HMCN2: variants seen among roughly 807,000 people sequenced by gnomAD.
HMCN2 encodes the protein hemicentin-2.
A neutral mutation model predicts 377.5 loss-of-function variants in HMCN2; 325 were observed. That is an observed-to-expected ratio of 0.86 (90% confidence interval 0.79 to 0.94). The LOEUF (loss-of-function observed/expected upper bound fraction) is 0.94, where lower values mean the gene tolerates loss of function less well. HMCN2 is among the 40% of genes least tolerant of loss of function. HMCN2 has a pLI of 0.00. For missense variants in HMCN2, 4,543 were observed against 4,725.3 expected (o/e 0.96, Z 1.13); for synonymous variants, 2,007 against 2,046.8 (o/e 0.98, Z 0.53).
intron 22 of HMCN2, among the ~76,000 whole-genome samples, chr9:130,332,839 G>A (rs1357282705): frequency 6.6e-6 from 1 of 152,208 alleles, no homozygotes; most frequent in East Asian, 1.9e-4. Flanking sequence ...TTGCCTGACT[G>A]TGCGCTCTGT....
chr9:130,268,076 C>T (rs532075265), intron 1 of HMCN2, among the ~76,000 whole-genome samples: 60 of 152,348 alleles, frequency 3.9e-4, no homozygotes, highest in African/African-American at 1.4e-3. Flanking sequence ...AATCATAACC[C>T]ACATTTGTCT....
At position 130,369,798 on chromosome 9, in the gene HMCN2, T is replaced by C; in HGVS notation, c.7016T>C (p.Val2339Ala). ...QAAHTGRYSC[V>A]AENLAGRAER... ...GCCCACACTGGACGCTACAGCTGTG[T>C]GGCCGAGAACCTGGCTGGGAGGGCA... Residue 2339 changes from valine to alanine, a missense_variant, in exon 45 of 98, where the codon GTG (valine) becomes GCG (alanine). Transcript: ENST00000683500. This position sits in a 1 kb window ranked among gnomAD's most constrained non-coding sequence, Gnocchi z 4.5. The C allele has an allele frequency of 1.0e-6, 1 of 986,070 alleles. No homozygotes were observed. Among genetic ancestry groups the C allele is most frequent in the Non-Finnish European group, 1.2e-6 (1 of 830,166 alleles). The allele number at this position is 986,070 out of a possible 1,614,324, so 61.1% of individuals were successfully genotyped here.
At chr9:130,409,248 T>C (rs1280938548) in intron 84 of HMCN2, among the ~76,000 whole-genome samples, 4 of 152,242 alleles carry the variant, frequency 2.6e-5, no homozygotes, top group African/African-American at 9.6e-5. Flanking sequence ...AAAATGTTGT[T>C]ATTAACAACC....
At chr9:130,410,715 T>G in intron 85 of HMCN2, 63 bp downstream of exon 85, 2 of 1,431,060 alleles carry the variant, frequency 1.4e-6, no homozygotes, top group African/African-American at 1.4e-5. Context: ...CGGTGGCGTG[T>G]GCAGCCTAGA....
At chr9:130,392,575 A>G (rs1315174304) in intron 66 of HMCN2, among the ~76,000 whole-genome samples, 1 of 152,168 alleles carries the variant, frequency 6.6e-6, no homozygotes. Context: ...CAAGCTGTCC[A>G]TATGGGACGT....
At chr9:130,429,747 G>C (rs1844625468) in intron 94 of HMCN2, 62 bp downstream of exon 94, 1 of 1,300,736 alleles carries the variant, frequency 7.7e-7, no homozygotes, top group South Asian at 1.6e-5. Flanking sequence ...ACCGGATGCA[G>C]GGCCCCAGCC....
intron 22 of HMCN2, among the ~76,000 whole-genome samples, 180 bp from the exon 23 acceptor site, chr9:130,337,714 G>A (rs1838827097): frequency 6.6e-6 from 1 of 150,908 alleles, no homozygotes; most frequent in African/African-American, 2.4e-5. Flanking sequence ...CAGTAGGCGT[G>A]AGAACTGGCC....
chr9:130,404,998 C>G lies in HMCN2; in HGVS notation c.12278C>G (p.Ser4093Trp), dbSNP rs1321022299. The G allele has an allele frequency of 6.2e-6, 8 of 1,289,624 alleles. No homozygotes were observed. The Admixed American group carries it at 6.9e-5, about 11-fold the overall frequency. The allele number at this position is 1,289,624 out of a possible 1,614,324, so 79.9% of individuals were successfully genotyped here. Residue 4093 changes from serine (S) to tryptophan (W), a missense_variant, in exon 81 of 98, where the codon TCG (serine) becomes TGG (tryptophan). Physicochemically the swap from Ser to Trp is radical, Grantham distance 177. Transcript: ENST00000683500. ...TGGGACAAAGATGGCCAGCCTGTGT[C>G]GGGCGCCGAGGGGAAGTTCACCATC... ...ITWDKDGQPV[S>W]GAEGKFTIQP...
chr9:130,430,891 C>T, intron 95 of HMCN2: 1 of 483,636 alleles, frequency 2.1e-6, no homozygotes, highest in Non-Finnish European at 3.7e-6. Context: ...CCTGGGAACC[C>T]CCTTTGAGAA....
rs1385201468 is a variant in HMCN2, at chr9:130,270,536, C to A, written c.259+4399C>A. The stretch of plus-strand genomic sequence containing the variant: ...GAGCTATGATTGTGCCACTGCCCTC[C>A]AGCCTGGGCGACAGAGCAAGACCCT... On this transcript the variant is annotated intron_variant, in intron 1 of 97. Coordinates refer to ENST00000683500, the MANE Select transcript of HMCN2 (RefSeq NM_001291815.2). Among the ~76,000 whole-genome samples the A allele has an allele frequency of 8.1e-5, 12 of 148,216 alleles. 2 individuals carry two copies. Among genetic ancestry groups the A allele is most frequent in the Non-Finnish European group, 1.4e-4 (9 of 66,076 alleles).
chr9:130,329,245 GC>G (rs1206227393), intron 22 of HMCN2, among the ~76,000 whole-genome samples: 60 of 152,264 alleles, frequency 3.9e-4, no homozygotes, highest in Non-Finnish European at 6.6e-4. Context: ...ATTACATGGG[GC>G]CTTTCGTGTC....
At chr9:130,310,084 C>T in intron 15 of HMCN2, 23 bp downstream of exon 15, 1 of 503,182 alleles carries the variant, frequency 2.0e-6, no homozygotes, top group South Asian at 1.5e-5. Context: ...CTTGTCTCCC[C>T]CTCCCCTGCC....
chr9:130,315,626 C>G (rs1837527348), intron 15 of HMCN2, among the ~76,000 whole-genome samples: 1 of 151,472 alleles, frequency 6.6e-6, no homozygotes, highest in African/African-American at 2.4e-5. Flanking sequence ...GAGCCAGGGA[C>G]AGTATCCTGG....
intron 37 of HMCN2, among the ~76,000 whole-genome samples, chr9:130,359,624 C>A (rs931420518): frequency 2.0e-5 from 3 of 152,190 alleles, no homozygotes; most frequent in Non-Finnish European, 4.4e-5. Context: ...GTGAAACAGG[C>A]CTGCAGGACA....
In HMCN2 at chr9:130,344,236, G is replaced by A. The variant is rs1349830040; in HGVS notation, c.3829+1800G>A. On this transcript the variant is annotated intron_variant, in intron 25 of 97. Coordinates refer to ENST00000683500, the MANE Select transcript of HMCN2 (RefSeq NM_001291815.2). ...CTCTCAGGGGAAAGCTGAGGAAGAT[G>A]AGAGGGGGGTGTGCATGTGTGTGAG... Among the ~76,000 whole-genome samples, 6 of 152,132 alleles carry A rather than the reference G, an allele frequency of 3.9e-5. No individual in the cohort carries two copies. In the South Asian group the frequency reaches 1.2e-3, roughly 32 times the overall value.
rs1290964088 is a variant in HMCN2 at position 130,398,565 on chromosome 9, G to A, written c.11341G>A (p.Ala3781Thr). The A allele has an allele frequency of 3.2e-6, 4 of 1,245,562 alleles. No homozygotes were observed. The highest frequency in any genetic ancestry group is 2.6e-5 in the South Asian group (2 of 75,950). The allele number at this position is 1,245,562 out of a possible 1,614,324, so 77.2% of individuals were successfully genotyped here. ...DLRVLEPPAI[A>T]PSPSNLTLTA... Reference sequence around the variant, plus strand: ...GCTCTCCCCAGAGCCTCCAGCCATCGCCCCCAGCCCCTCCAACCTGACCCT... The same window carrying A: ...GCTCTCCCCAGAGCCTCCAGCCATCACCCCCAGCCCCTCCAACCTGACCCT... Residue 3781 changes from alanine to threonine, a missense_variant, in exon 75 of 98, where the codon GCC becomes ACC. This residue lies in a region of HMCN2 where 1,073 missense variants were observed against 1,319.5 expected (regional missense o/e 0.81). Transcript: ENST00000683500.
At chr9:130,431,120 C>T (rs1019792067) in intron 95 of HMCN2, 9 of 569,340 alleles carry the variant, frequency 1.6e-5, no homozygotes, top group Admixed American at 3.1e-5. Context: ...GAGGGGTCTG[C>T]GGGGTGGTGC....
chr9:130,310,451 T>C (rs1183251872), intron 15 of HMCN2, among the ~76,000 whole-genome samples: 2 of 151,256 alleles, frequency 1.3e-5, no homozygotes, highest in African/African-American at 4.8e-5. Context: ...CGTGGGGCTG[T>C]TGGCAGGAGG....
chr9:130,398,775 G>A (rs1842731375), intron 75 of HMCN2, 68 bp downstream of exon 75: 1 of 1,228,964 alleles, frequency 8.1e-7, no homozygotes, highest in Non-Finnish European at 1.1e-6. Flanking sequence ...CTTCTCACGG[G>A]GGCATGGGGC....
Sources: gnomAD v4.1 joint callset for allele counts (sites outside exome capture counted in the v4.1 genomes callset) on GRCh38, gnomAD v4.1.1 for gene constraint, gnomAD v4.1.1 regional missense constraint, Gnocchi (gnomAD v3.1) non-coding constraint, MANE v1.5 for transcripts, NCBI Gene and HGNC (gene_info 2026-07-23, HGNC 2026-07-21) for gene names.